PRKAR2B: variants seen among roughly 807,000 people sequenced by gnomAD.
PRKAR2B encodes cAMP-dependent protein kinase type II-beta regulatory subunit.
A neutral mutation model predicts 49.9 loss-of-function variants in PRKAR2B; 14 were observed. The observed-to-expected ratio is 0.28, with a 90% CI of 0.19 to 0.44. The LOEUF is 0.44. Among genes scored for constraint, PRKAR2B ranks in the 20% least tolerant of loss-of-function variants. The pLI, the probability that PRKAR2B is intolerant of heterozygous loss-of-function variation, is 1.00. For synonymous variants in PRKAR2B, 196 were observed against 197.7 expected (o/e 0.99, Z 0.07); for missense variants, 393 against 537.9 (o/e 0.73, Z 2.67).
intron 2 of PRKAR2B, among the ~76,000 whole-genome samples, chr7:107,107,005 A>G (rs1265567570): frequency 6.6e-6 from 1 of 152,206 alleles, no homozygotes; most frequent in African/African-American, 2.4e-5. Flanking sequence ...TCCTTTTTAC[A>G]GAATAAGTCC....
At position 107,160,419 on chromosome 7, in the gene PRKAR2B, C is replaced by T. The variant is rs572091696; in HGVS notation, c.*837C>T. ...TAAAAAGTGATTTAAACTTAAGATC[C>T]GACATTTTTTGTATTCTTTAAGATT... On this transcript the variant is annotated 3_prime_UTR_variant, in exon 11 of 11. Coordinates refer to ENST00000265717, the MANE Select transcript of PRKAR2B (RefSeq NM_002736.3). The T allele has an allele frequency of 3.6e-4, 54 of 151,978 alleles. No homozygotes were observed. Among genetic ancestry groups the T allele is most frequent in the African/African-American group, 1.3e-3 (52 of 41,450 alleles). The allele number at this position is 151,978 out of a possible 1,614,324, so 9.4% of individuals were successfully genotyped here. A position where few individuals can be genotyped will look rare whatever the true frequency, so the allele number is the denominator to read the frequency against.
At chr7:107,135,716 C>A (rs1795690249) in intron 4 of PRKAR2B, among the ~76,000 whole-genome samples, 1 of 151,904 alleles carries the variant, frequency 6.6e-6, no homozygotes, top group Non-Finnish European at 1.5e-5. Context: ...TGAAGGAAAT[C>A]AGGGAAGAAT....
At chr7:107,147,185 C>T (rs1584453260) in intron 6 of PRKAR2B, among the ~76,000 whole-genome samples, 1 of 152,244 alleles carries the variant, frequency 6.6e-6, no homozygotes, top group East Asian at 1.9e-4. Context: ...GTCGTGGGTG[C>T]CTGTAGTCCC....
At chr7:107,095,559 G>C (rs889180880) in intron 2 of PRKAR2B, among the ~76,000 whole-genome samples, 5 of 152,202 alleles carry the variant, frequency 3.3e-5, no homozygotes, top group Non-Finnish European at 7.3e-5. Flanking sequence ...AGTGGTGAGA[G>C]AGGGCATCCC....
chr7:107,092,139 G>T (rs1794741926), intron 2 of PRKAR2B, among the ~76,000 whole-genome samples: 1 of 152,030 alleles, frequency 6.6e-6, no homozygotes. Flanking sequence ...GGAAGAAGAG[G>T]CCCTAAATAT....
Position 107,155,351 on chromosome 7 carries a change from C to T in PRKAR2B, c.919-1633C>T, listed in dbSNP as rs149454381. Among the ~76,000 whole-genome samples, 574 of 152,126 alleles carry T rather than the reference C, an allele frequency of 3.8e-3. 4 individuals carry two copies. Among genetic ancestry groups the T allele is most frequent in the African/African-American group, 0.013 (558 of 41,514 alleles). The stretch of plus-strand genomic sequence containing the variant: ...GTAGATCACTTCAAGGTCAGGAGTT[C>T]GAGACCAGCCTGGCCAACATGGTGA... On this transcript the variant is annotated intron_variant, in intron 8 of 10. Coordinates refer to ENST00000265717, the MANE Select transcript of PRKAR2B (RefSeq NM_002736.3).
At chr7:107,099,245 G>T (rs1014912939) in intron 2 of PRKAR2B, among the ~76,000 whole-genome samples, 2 of 152,138 alleles carry the variant, frequency 1.3e-5, no homozygotes, top group African/African-American at 2.4e-5. Context: ...CCTCGCTGCC[G>T]CCTTGCAGTT....
In PRKAR2B at chr7:107,106,800, G is replaced by A. The variant is rs368805345; in HGVS notation, c.344-15152G>A. On this transcript the variant is annotated intron_variant, in intron 2 of 10. Coordinates refer to ENST00000265717, the MANE Select transcript of PRKAR2B (RefSeq NM_002736.3). ...GGACCCCCCTCAGAATCAAGGGACCGAGGGGGCTCCCAGGGGAGAGAGTGT... is the reference window on the plus strand; with the variant it reads ...GGACCCCCCTCAGAATCAAGGGACCAAGGGGGCTCCCAGGGGAGAGAGTGT... Among the ~76,000 whole-genome samples, 193 of 152,162 alleles carry A rather than the reference G, an allele frequency of 1.3e-3. 1 individual carries two copies. Among genetic ancestry groups the A allele is most frequent in the African/African-American group, 4.0e-3 (164 of 41,518 alleles).
At chr7:107,132,513 G>A (rs564620266) in intron 4 of PRKAR2B, among the ~76,000 whole-genome samples, 11 of 152,274 alleles carry the variant, frequency 7.2e-5, no homozygotes, top group Admixed American at 2.0e-4. Context: ...ATGATCTAGG[G>A]AAGAGAAATG....
chr7:107,128,105 A>C, intron 3 of PRKAR2B, 107 bp from the exon 4 acceptor site: 1 of 729,582 alleles, frequency 1.4e-6, no homozygotes, highest in South Asian at 1.8e-5. Flanking sequence ...GAGCGCTAAC[A>C]GTTCTTCTTT....
At chr7:107,046,858 A>G (rs945156485) in intron 1 of PRKAR2B, among the ~76,000 whole-genome samples, 1 of 151,888 alleles carries the variant, frequency 6.6e-6, no homozygotes, top group Non-Finnish European at 1.5e-5. Context: ...TCTGTATGAT[A>G]TGTTGTTAAT....
chr7:107,073,007 A>G (rs1794311875), intron 2 of PRKAR2B, among the ~76,000 whole-genome samples: 1 of 152,232 alleles, frequency 6.6e-6, no homozygotes, highest in Non-Finnish European at 1.5e-5. Flanking sequence ...TATTACAACA[A>G]TAAATACAAA....
At chr7:107,083,744 C>T (rs1794560620) in intron 2 of PRKAR2B, among the ~76,000 whole-genome samples, 1 of 152,028 alleles carries the variant, frequency 6.6e-6, no homozygotes, top group South Asian at 2.1e-4. Context: ...TCCCAAGTAG[C>T]TGGGATTACA....
intron 2 of PRKAR2B, among the ~76,000 whole-genome samples, chr7:107,120,394 G>C (rs1450472764): frequency 2.0e-5 from 3 of 152,030 alleles, no homozygotes; most frequent in Non-Finnish European, 4.4e-5. Context: ...CACTGGTTCA[G>C]GTGTTTAGAG....
intron 2 of PRKAR2B, among the ~76,000 whole-genome samples, chr7:107,080,757 G>T (rs1399582708): frequency 6.6e-6 from 1 of 152,220 alleles, no homozygotes; most frequent in East Asian, 1.9e-4. Flanking sequence ...GGTACAGAAG[G>T]CAATATGATG....
At chr7:107,046,611 G>T (rs150557050) in intron 1 of PRKAR2B, among the ~76,000 whole-genome samples, 3 of 152,096 alleles carry the variant, frequency 2.0e-5, no homozygotes, top group Non-Finnish European at 2.9e-5. Context: ...TTTTGCACAA[G>T]AATCGAATCA....
At chr7:107,073,720 T>C (rs2536505) in intron 2 of PRKAR2B, among the ~76,000 whole-genome samples, 43,145 of 152,060 alleles carry the variant, frequency 0.28, 11,007 homozygotes, top group African/African-American at 0.69. Context: ...TTTTGATCTC[T>C]TAAAATGCTC....
At chr7:107,094,808 A>G (rs1352967752) in intron 2 of PRKAR2B, among the ~76,000 whole-genome samples, 1 of 152,208 alleles carries the variant, frequency 6.6e-6, no homozygotes, top group African/African-American at 2.4e-5. Flanking sequence ...GTCAAAGATC[A>G]GATGGTTGTA....
chr7:107,083,777 T>C (rs780733785), intron 2 of PRKAR2B, among the ~76,000 whole-genome samples: 7 of 151,962 alleles, frequency 4.6e-5, no homozygotes, highest in Non-Finnish European at 8.8e-5. Context: ...CATGCCTGGC[T>C]AATTTTTGTA....
Sources: allele counts gnomAD v4.1 joint callset (sites outside exome capture counted in the v4.1 genomes callset), GRCh38; gene constraint gnomAD v4.1.1; transcripts MANE v1.5; gene names NCBI Gene and HGNC (gene_info 2026-07-23, HGNC 2026-07-21).